Variants in SLC12A1 observed in about 807,000 individuals in gnomAD.
The protein encoded by SLC12A1 is Na-K-2Cl cotransporter.
A neutral mutation model predicts 130.4 loss-of-function variants in SLC12A1; 89 were observed. That is an observed-to-expected ratio of 0.68 (90% CI 0.58 to 0.81). The LOEUF (loss-of-function observed/expected upper bound fraction) is 0.81, where lower values mean the gene tolerates loss of function less well. SLC12A1 is among the 40% of genes least tolerant of loss of function. The pLI is 0.00. For missense variants in SLC12A1, 1,310 were observed against 1,336.4 expected, an observed-to-expected ratio of 0.98 and a Z score of 0.31; for synonymous variants, 499 against 460.0, an observed-to-expected ratio of 1.08 and a Z score of -1.09.
chr15:48,259,326 AC>A lies in SLC12A1; in HGVS notation c.2154+19del. 6.6e-7 allele frequency: 1 copy of A among 1,521,434 alleles called. No individual in the cohort carries two copies. Among genetic ancestry groups the A allele is most frequent in the African/African-American group, 1.4e-5 (1 of 73,092 alleles). The allele number at this position is 1,521,434 out of a possible 1,614,324, so 94.2% of individuals were successfully genotyped here. A position where few individuals can be genotyped will look rare whatever the true frequency, so the allele number is the denominator to read the frequency against. On this transcript the variant is annotated intron_variant, in intron 17 of 26. Coordinates refer to ENST00000380993, the MANE Select transcript of SLC12A1 (RefSeq NM_000338.3). ...AAGTCTTTGTGGTAAGAGCCACTTC[AC>A]CCCAGGGAAGTCCTTTTTCCTCCCT... is the stretch of plus-strand genomic sequence containing the variant.
At chr15:48,295,637 T>C (rs2042170078) in intron 24 of SLC12A1, among the ~76,000 whole-genome samples, 1 of 152,196 alleles carries the variant, frequency 6.6e-6, no homozygotes, top group Non-Finnish European at 1.5e-5. Context: ...AGGAAATAAA[T>C]TAGTTTTCAA....
At position 48,220,731 on chromosome 15, in the gene SLC12A1, G is replaced by C; in HGVS notation, c.518G>C (p.Gly173Ala). The C allele has an allele frequency of 6.2e-7, 1 of 1,613,956 alleles. No homozygotes were observed. ...GAAAATAAGGAAGATGATCAAGCTGGTGTTGTGAAGTTTGGATGGGTGAAA... is the reference window on the plus strand; with the variant it reads ...GAAAATAAGGAAGATGATCAAGCTGCTGTTGTGAAGTTTGGATGGGTGAAA... The part of the protein sequence containing the change: ...QAENKEDDQA[G>A]VVKFGWVKGV... Residue 173 changes from glycine (G) to alanine (A), a missense_variant, in exon 3 of 27, where the codon GGT becomes GCT. By Grantham distance (60) the Gly-to-Ala change is moderately conservative. Transcript: ENST00000380993.
intron 20 of SLC12A1, among the ~76,000 whole-genome samples, chr15:48,279,970 T>G (rs578089439): frequency 3.7e-4 from 57 of 152,304 alleles, no homozygotes; most frequent in African/African-American, 1.3e-3. Flanking sequence ...TTTACAGCTT[T>G]GAGTTGATTG....
chr15:48,245,980 G>C (rs1033623125), intron 11 of SLC12A1, among the ~76,000 whole-genome samples: 4 of 152,218 alleles, frequency 2.6e-5, no homozygotes, highest in Non-Finnish European at 5.9e-5. Context: ...TGGAAGTTAG[G>C]AAAACTGTAG....
intron 20 of SLC12A1, among the ~76,000 whole-genome samples, chr15:48,279,818 G>C (rs1292832364): frequency 1.3e-5 from 2 of 152,194 alleles, no homozygotes; most frequent in African/African-American, 2.4e-5. Flanking sequence ...TGCTGTGTCT[G>C]ATCAAGTGGC....
chr15:48,241,441 T>C, intron 9 of SLC12A1, 74 bp from the exon 10 acceptor site: 1 of 1,234,648 alleles, frequency 8.1e-7, no homozygotes, highest in East Asian at 2.3e-5. Flanking sequence ...TCTGAAAATA[T>C]GAAAATAACT....
At position 48,288,405 on chromosome 15, in the gene SLC12A1, G is replaced by T. The variant is rs1385477385; in HGVS notation, c.2762G>T (p.Gly921Val). 7.0e-7 allele frequency: 1 copy of T among 1,419,530 alleles called. No homozygotes were observed. The highest frequency in any genetic ancestry group is 9.7e-7 in the Non-Finnish European group (1 of 1,028,520). 87.9% of individuals were successfully genotyped at this position (1,419,530 alleles called of 1,614,324 possible). The change falls in exon 23 of 27, where the codon GGG becomes GTG. Residue 921 changes from glycine to valine, a missense_variant and splice_region_variant. Physicochemically the swap from Gly to Val is moderately radical, Grantham distance 109. Transcript: ENST00000380993. Reference sequence around the variant, plus strand: ...TGTCATAATTTATTCTTTATTCCAGGGTTAACACTTCTTATCCCCTATATC... The same window carrying T: ...TGTCATAATTTATTCTTTATTCCAGTGTTAACACTTCTTATCCCCTATATC... ...IDVWWLFDDG[G>V]LTLLIPYILT...
chr15:48,246,267 T>C (rs1378253858), intron 11 of SLC12A1, among the ~76,000 whole-genome samples: 1 of 151,848 alleles, frequency 6.6e-6, no homozygotes, highest in Non-Finnish European at 1.5e-5. Flanking sequence ...AACAGCTGAG[T>C]CCCTCCCCAA....
At chr15:48,240,094 T>TCC (rs1391585609) in intron 9 of SLC12A1, among the ~76,000 whole-genome samples, 956 of 78,690 alleles carry the variant, frequency 0.012, 88 homozygotes, top group East Asian at 0.059. Flanking sequence ...TATATATCCA[T>TCC]ATATATATAT....
intron 24 of SLC12A1, among the ~76,000 whole-genome samples, chr15:48,292,647 A>G (rs1426332045): frequency 6.6e-6 from 1 of 152,154 alleles, no homozygotes; most frequent in Non-Finnish European, 1.5e-5. Flanking sequence ...TAAATTACTC[A>G]GTTCCCTTTG....
At chr15:48,269,867 T>C (rs1332435042) in intron 19 of SLC12A1, 103 bp downstream of exon 19, 1 of 585,326 alleles carries the variant, frequency 1.7e-6, no homozygotes, top group Non-Finnish European at 3.1e-6. Context: ...TTAAATTGCC[T>C]GAGAAGAGTA....
intron 24 of SLC12A1, among the ~76,000 whole-genome samples, chr15:48,298,577 G>A (rs963847639): frequency 5.3e-5 from 8 of 152,172 alleles, no homozygotes; most frequent in Non-Finnish European, 7.3e-5. Context: ...TGCAGAAAAC[G>A]TCCAAATTGT....
Position 48,254,635 on chromosome 15 carries a change from A to G in SLC12A1, c.1943-1176A>G, listed in dbSNP as rs536308458. Among the ~76,000 whole-genome samples the G allele has an allele frequency of 1.3e-3, 198 of 147,018 alleles. 1 individual carries two copies. The highest frequency in any genetic ancestry group is 4.7e-3 in the African/African-American group (187 of 39,788). On this transcript the variant is annotated intron_variant, in intron 15 of 26. Transcript: ENST00000380993. The stretch of plus-strand genomic sequence containing the variant: ...AAAAAAAAAAAAAAAAAAAAACCCA[A>G]AAAAGACCGGGCACGGTGGCTCACG...
At chr15:48,228,306 A>G (rs2041318723) in intron 5 of SLC12A1, 5 of 152,848 alleles carry the variant, frequency 3.3e-5, no homozygotes, top group Admixed American at 3.2e-4. Context: ...TCAATGTCCA[A>G]GGGAGAAGTA....
At chr15:48,228,587 TTATA>T in intron 5 of SLC12A1, 2 of 217,864 alleles carry the variant, frequency 9.2e-6, no homozygotes, top group Non-Finnish European at 1.9e-5. Context: ...ATATATATGT[TTATA>T]TATATATATC....
At chr15:48,223,138 C>T (rs1027427507) in intron 4 of SLC12A1, 2 of 152,164 alleles carry the variant, frequency 1.3e-5, no homozygotes, top group African/African-American at 4.8e-5. Context: ...TTAATTCCTA[C>T]CCAATGAATT....
In SLC12A1 at chr15:48,207,777, C is replaced by G; in HGVS notation, c.58C>G (p.Arg20Gly). Residue 20 changes from arginine (R) to glycine (G), a missense_variant, in exon 2 of 27, where the codon CGC (arginine) becomes GGC (glycine). By Grantham distance (125) the Arg-to-Gly change is moderately radical (BLOSUM62 -2). Transcript: ENST00000380993. The stretch of plus-strand genomic sequence containing the variant: ...GGATTCAGTGCCCAGTAATACCAAT[C>G]GCTTTCAAGTTAGTGTCATAAATGA... The part of the protein sequence containing the change: ...FLDSVPSNTN[R>G]FQVSVINENH... 1 of 1,612,226 alleles carries G rather than the reference C, an allele frequency of 6.2e-7. No individual in the cohort carries two copies. The highest frequency in any genetic ancestry group is 8.5e-7 in the Non-Finnish European group (1 of 1,179,082).
Position 48,267,650 on chromosome 15 carries a change from T to C in SLC12A1, c.2244T>C (p.Tyr748=), listed in dbSNP as rs773964647. Residue 748 remains tyrosine (Y), a synonymous_variant, in exon 18 of 27, where the codon TAT becomes TAC. Transcript: ENST00000380993. ...TAAAGAACAAAATCAAGGCTTTTTA[T>C]GCTGCAGTGGCGGCAGACTGTTTCA... ...WLIKNKIKAF[Y]AAVAADCFRD... is the part of the protein sequence containing the mutation. The C allele has an allele frequency of 9.9e-6, 16 of 1,613,552 alleles. No homozygotes were observed. The South Asian group carries it at 1.6e-4, about 17-fold the overall frequency.
chr15:48,234,892 AAAACTTT>A lies in SLC12A1; in HGVS notation c.1104_1110del (p.Asn369GlyfsTer57). ...TATGTTGCAGCATCAATATTTGCAG[AAAACTTT>A]GGGCCACGCTTCACAAAGGGTGAAG... On this transcript the variant is annotated frameshift_variant, in exon 9 of 27. Transcript: ENST00000380993. LOFTEE classifies it high-confidence loss of function. 1 of 1,613,952 alleles carries A rather than the reference AAAACTTT, an allele frequency of 6.2e-7. No homozygotes were observed. Among genetic ancestry groups the A allele is most frequent in the South Asian group, 1.1e-5 (1 of 91,082 alleles).
Sources: allele counts gnomAD v4.1 joint callset (sites outside exome capture counted in the v4.1 genomes callset), GRCh38; gene constraint gnomAD v4.1.1; transcripts MANE v1.5; gene names NCBI Gene and HGNC (gene_info 2026-07-23, HGNC 2026-07-21).